Variants in MALT1 observed in about 807,000 individuals in gnomAD.
MALT1 encodes the protein mucosa-associated lymphoid tissue lymphoma translocation protein 1.
In MALT1, 36 loss-of-function variants were observed where a neutral mutation model predicts 85.5. The observed-to-expected ratio is 0.42, with a 90% CI of 0.32 to 0.56. The LOEUF is 0.56. Among genes scored for constraint, MALT1 ranks in the 20% least tolerant of loss-of-function variants. The pLI is 0.10. For missense variants in MALT1, 716 were observed against 981.6 expected, an observed-to-expected ratio of 0.73 and a Z score of 3.62; for synonymous variants, 359 against 361.3, an observed-to-expected ratio of 0.99 and a Z score of 0.07.
intron 7 of MALT1, among the ~76,000 whole-genome samples, 157 bp from the exon 8 acceptor site, chr18:58,713,926 C>T (rs1466101404): frequency 1.3e-5 from 2 of 152,140 alleles, no homozygotes; most frequent in Non-Finnish European, 2.9e-5. Flanking sequence ...CTTTGCTATT[C>T]AGTATTTGCA....
rs564979419 is a variant in MALT1 at position 58,744,478 on chromosome 18, G to A, written c.1894G>A (p.Val632Ile). 1.3e-5 allele frequency: 20 copies of A among 1,599,828 alleles called. No homozygotes were observed. The highest frequency in any genetic ancestry group is 1.2e-4 in the Admixed American group (7 of 58,102). ...GGAGATAATAATGTGTGATGCCTAC[G>A]TTACTGATTTTCCACTTGTGAGTCT... ...PPEIIMCDAY[V>I]TDFPLDLDID... The change falls in exon 15 of 17, where the codon GTT becomes ATT. Residue 632 changes from valine (V) to isoleucine (I), a missense_variant. Transcript: ENST00000649217.
At chr18:58,695,299 T>C (rs1602294380) in intron 2 of MALT1, among the ~76,000 whole-genome samples, 1 of 152,212 alleles carries the variant, frequency 6.6e-6, no homozygotes, top group African/African-American at 2.4e-5. Context: ...CTGAATGGCC[T>C]CCTGCCACAG....
At chr18:58,674,483 T>C (rs2054211861) in intron 1 of MALT1, among the ~76,000 whole-genome samples, 1 of 151,930 alleles carries the variant, frequency 6.6e-6, no homozygotes, top group Admixed American at 6.6e-5. Flanking sequence ...TTTGAGGAGG[T>C]TGGCTGGGGT....
chr18:58,698,586 C>T (rs1163025618), intron 3 of MALT1, among the ~76,000 whole-genome samples: 1 of 152,040 alleles, frequency 6.6e-6, no homozygotes, highest in Non-Finnish European at 1.5e-5. Flanking sequence ...AAGGATGACC[C>T]CTTAGGCTTT....
rs111259227 is a variant in MALT1 at position 58,728,447 on chromosome 18, A to G, written c.1223-4950A>G. ...TAGTGAGACCTCATCTCTACAAAAA[A>G]TTTAAAAATTAGCCAGGCATGGTGG... is the stretch of plus-strand genomic sequence containing the variant. On this transcript the variant is annotated intron_variant, in intron 10 of 16. Coordinates refer to ENST00000649217, the MANE Select transcript of MALT1 (RefSeq NM_006785.4). Among the ~76,000 whole-genome samples, 1,143 of 152,010 alleles carry G rather than the reference A, an allele frequency of 7.5e-3. 10 individuals are homozygous for G. The highest frequency in any genetic ancestry group is 0.026 in the African/African-American group (1,063 of 41,444).
intron 16 of MALT1, 85 bp downstream of exon 16, chr18:58,745,876 CCTT>C: frequency 8.1e-7 from 1 of 1,235,194 alleles, no homozygotes; most frequent in South Asian, 1.4e-5. Context: ...AGATATGCTG[CCTT>C]ATTATTAAAG....
chr18:58,709,358 AT>A lies in MALT1; in HGVS notation c.650-14del. 1.3e-6 allele frequency: 2 copies of A among 1,508,902 alleles called. No homozygotes were observed. The highest frequency in any genetic ancestry group is 1.8e-6 in the Non-Finnish European group (2 of 1,121,116). 93.5% of individuals were successfully genotyped at this position (1,508,902 alleles called of 1,614,324 possible). A position where few individuals can be genotyped will look rare whatever the true frequency, so the allele number is the denominator to read the frequency against. The stretch of plus-strand genomic sequence containing the variant: ...TTTTTATTTTTAACCTAGAGATTTT[AT>A]TTTTTCTTTTAATTTAAGGAAGTGT... On this transcript the variant is annotated intron_variant, in intron 4 of 16. Transcript: ENST00000649217.
At chr18:58,746,131 C>CCTCAGCTT (rs1192878171) in intron 16 of MALT1, among the ~76,000 whole-genome samples, 1 of 152,166 alleles carries the variant, frequency 6.6e-6, no homozygotes, top group Non-Finnish European at 1.5e-5. Flanking sequence ...GATCCTGCCA[C>CCTCAGCTT]CTCAGCTTCC....
chr18:58,697,657 A>G (rs1320090186), intron 3 of MALT1, among the ~76,000 whole-genome samples: 2 of 152,220 alleles, frequency 1.3e-5, no homozygotes, highest in Non-Finnish European at 2.9e-5. Context: ...TAAGTATATC[A>G]TTTGTAAGCT....
chr18:58,734,426 A>G (rs367812596), intron 12 of MALT1, 45 bp downstream of exon 12: 5 of 1,516,848 alleles, frequency 3.3e-6, no homozygotes, highest in Non-Finnish European at 3.7e-6. Flanking sequence ...TTATTGTTTG[A>G]TGTCTTTTTG....
intron 1 of MALT1, chr18:58,672,861 T>G (rs1231590281): frequency 6.6e-6 from 1 of 152,194 alleles, no homozygotes; most frequent in Non-Finnish European, 1.5e-5. Context: ...TGTCCACTCC[T>G]GAAAGAATGA....
At chr18:58,721,822 A>G (rs2054987199) in intron 9 of MALT1, among the ~76,000 whole-genome samples, 1 of 152,218 alleles carries the variant, frequency 6.6e-6, no homozygotes, top group African/African-American at 2.4e-5. Context: ...TAGTATTCAT[A>G]ATAACTTACA....
intron 11 of MALT1, 137 bp from the exon 12 acceptor site, chr18:58,734,170 G>A (rs2055192912): frequency 9.1e-7 from 1 of 1,100,968 alleles, no homozygotes; most frequent in African/African-American, 1.6e-5. Flanking sequence ...TAGCTACCTA[G>A]ATGAAAAATT....
chr18:58,673,823 G>A (rs2144292030), intron 1 of MALT1, among the ~76,000 whole-genome samples: 1 of 152,208 alleles, frequency 6.6e-6, no homozygotes, highest in South Asian at 2.1e-4. Flanking sequence ...ATAGTGACTT[G>A]GGATTATTGC....
intron 2 of MALT1, among the ~76,000 whole-genome samples, chr18:58,695,683 G>A (rs2054576554): frequency 6.6e-6 from 1 of 152,162 alleles, no homozygotes; most frequent in Non-Finnish European, 1.5e-5. Context: ...GGAAGTCCGT[G>A]ATCAAAGAAC....
intron 9 of MALT1, among the ~76,000 whole-genome samples, chr18:58,719,313 C>T (rs964175927): frequency 6.8e-6 from 1 of 146,214 alleles, no homozygotes; most frequent in African/African-American, 2.7e-5. Context: ...AAAAATCTCC[C>T]TCCCTCTCTC....
intron 2 of MALT1, among the ~76,000 whole-genome samples, chr18:58,692,357 T>A (rs2054518152): frequency 1.3e-5 from 2 of 152,046 alleles, no homozygotes; most frequent in Non-Finnish European, 2.9e-5. Flanking sequence ...GAAGTTGAGC[T>A]TAATTGATAA....
chr18:58,746,788 C>T (rs934811139), intron 16 of MALT1, among the ~76,000 whole-genome samples: 9 of 151,526 alleles, frequency 5.9e-5, no homozygotes, highest in Non-Finnish European at 1.2e-4. Flanking sequence ...AATGCAGTGG[C>T]GCGATCTCAG....
chr18:58,678,935 A>G (rs530987899), intron 1 of MALT1, among the ~76,000 whole-genome samples: 1 of 152,380 alleles, frequency 6.6e-6, no homozygotes, highest in South Asian at 2.1e-4. Flanking sequence ...GAAAAGGAGC[A>G]GGATCTGCAA....
Sources: gnomAD v4.1 joint callset for allele counts (sites outside exome capture counted in the v4.1 genomes callset) on GRCh38, gnomAD v4.1.1 for gene constraint, MANE v1.5 for transcripts, NCBI Gene and HGNC (gene_info 2026-07-23, HGNC 2026-07-21) for gene names.